Variants in PLCXD3 observed in about 807,000 individuals in gnomAD.
The protein encoded by PLCXD3 is phosphatidylinositol specific phospholipase C X domain containing 3.
In PLCXD3, 19 loss-of-function variants were observed where a neutral mutation model predicts 25.5. That is an observed-to-expected ratio of 0.75 (90% CI 0.52 to 1.09). The LOEUF is 1.09. PLCXD3 is among the 50% of genes least tolerant of loss of function. PLCXD3 has a pLI of 0.00. For missense variants in PLCXD3, 411 were observed against 388.1 expected (o/e 1.06, Z -0.50); for synonymous variants, 174 against 137.6 (o/e 1.26, Z -1.85).
chr5:41,404,120 A>G (rs1371543613), intron 1 of PLCXD3, among the ~76,000 whole-genome samples: 2 of 152,192 alleles, frequency 1.3e-5, no homozygotes, highest in Non-Finnish European at 2.9e-5. Flanking sequence ...AATGGAGTGC[A>G]CTGAAAGCAT....
At chr5:41,456,564 G>GAA (rs755289399) in intron 1 of PLCXD3, 16 of 946,016 alleles carry the variant, frequency 1.7e-5, no homozygotes, top group Non-Finnish European at 1.8e-5. Flanking sequence ...ATTAATGCTG[G>GAA]AAAGTAGATG....
intron 1 of PLCXD3, among the ~76,000 whole-genome samples, chr5:41,505,064 G>T (rs1218481989): frequency 1.3e-5 from 2 of 151,970 alleles, no homozygotes; most frequent in African/African-American, 4.8e-5. Context: ...TTTATAATTT[G>T]CTCTTTCTGT....
intron 1 of PLCXD3, among the ~76,000 whole-genome samples, chr5:41,432,572 T>G (rs318016): frequency 0.028 from 4,221 of 152,304 alleles, 223 homozygotes; most frequent in African/African-American, 0.097. Flanking sequence ...GTTAAAACTG[T>G]CTTTTCCAAA....
chr5:41,327,822 T>A (rs542651400), intron 2 of PLCXD3, among the ~76,000 whole-genome samples: 1 of 152,318 alleles, frequency 6.6e-6, no homozygotes, highest in Non-Finnish European at 1.5e-5. Flanking sequence ...TTTTCTTTTT[T>A]AGAGACAGTG....
intron 1 of PLCXD3, chr5:41,456,470 A>G (rs1747755658): frequency 7.1e-6 from 5 of 703,762 alleles, no homozygotes; most frequent in African/African-American, 2.0e-5. Context: ...AAAAATATTT[A>G]TAAGGATAAA....
chr5:41,369,490 GT>G (rs1580329803), intron 2 of PLCXD3, among the ~76,000 whole-genome samples: 1 of 152,062 alleles, frequency 6.6e-6, no homozygotes, highest in Non-Finnish European at 1.5e-5. Context: ...TTGGTTGGTT[GT>G]TTTTTCTTAG....
chr5:41,482,623 A>G (rs1347859105), intron 1 of PLCXD3, among the ~76,000 whole-genome samples: 1 of 152,194 alleles, frequency 6.6e-6, no homozygotes, highest in Non-Finnish European at 1.5e-5. Flanking sequence ...CTTATTGGCC[A>G]TGTAGCTGGA....
At chr5:41,314,603 T>C (rs745581494) in intron 2 of PLCXD3, among the ~76,000 whole-genome samples, 3 of 152,066 alleles carry the variant, frequency 2.0e-5, no homozygotes, top group Non-Finnish European at 2.9e-5. Flanking sequence ...TGTGCAAAGG[T>C]TTGAAGGAGA....
intron 2 of PLCXD3, among the ~76,000 whole-genome samples, chr5:41,344,803 A>G (rs1349994303): frequency 6.6e-6 from 1 of 152,182 alleles, no homozygotes; most frequent in Non-Finnish European, 1.5e-5. Context: ...TCATATAATT[A>G]AAAATTATAT....
intron 1 of PLCXD3, among the ~76,000 whole-genome samples, chr5:41,440,189 T>C (rs1747348715): frequency 6.8e-6 from 1 of 147,048 alleles, no homozygotes; most frequent in South Asian, 2.2e-4. Context: ...AGCTATACAG[T>C]TCTGAGCAAA....
At chr5:41,408,741 G>T (rs555227738) in intron 1 of PLCXD3, among the ~76,000 whole-genome samples, 3 of 152,166 alleles carry the variant, frequency 2.0e-5, no homozygotes, top group Admixed American at 6.5e-5. Flanking sequence ...ATACGGTGTC[G>T]CATAAGTAAG....
At chr5:41,423,278 A>C (rs1030714814) in intron 1 of PLCXD3, among the ~76,000 whole-genome samples, 1 of 152,114 alleles carries the variant, frequency 6.6e-6, no homozygotes, top group Non-Finnish European at 1.5e-5. Flanking sequence ...ACTTTGGTCT[A>C]AATGCTGTGT....
Position 41,382,471 on chromosome 5 carries a change from T to G in PLCXD3, c.167A>C (p.Glu56Ala). The change falls in exon 2 of 3, where the codon GAA becomes GCA. Residue 56 changes from glutamate (E) to alanine (A), a missense_variant. Glu to Ala is a moderately radical substitution (Grantham distance 107). Coordinates refer to ENST00000377801, the MANE Select transcript of PLCXD3 (RefSeq NM_001005473.3). ...CACAGAGACAAAATTCTGGACAGTTTCTGGCTGCTCAGGACCTACTGGAGA... is the reference window on the plus strand; with the variant it reads ...CACAGAGACAAAATTCTGGACAGTTGCTGGCTGCTCAGGACCTACTGGAGA... Reference protein sequence around the residue: ...EASPVGPEQPETVQNFVSVFG... With the variant: ...EASPVGPEQPATVQNFVSVFG... The G allele has an allele frequency of 1.2e-6, 2 of 1,611,764 alleles. No homozygotes were observed. The highest frequency in any genetic ancestry group is 1.7e-6 in the Non-Finnish European group (2 of 1,179,640).
intron 2 of PLCXD3, among the ~76,000 whole-genome samples, chr5:41,321,689 T>C (rs903851077): frequency 5.3e-5 from 8 of 151,980 alleles, no homozygotes; most frequent in Admixed American, 4.6e-4. Context: ...TGCAGAGAAA[T>C]ACTAACTAAC....
At chr5:41,457,213 G>A (rs1461546559) in intron 1 of PLCXD3, among the ~76,000 whole-genome samples, 1 of 151,890 alleles carries the variant, frequency 6.6e-6, no homozygotes, top group Non-Finnish European at 1.5e-5. Context: ...TCCACACTTG[G>A]CCTCATATCA....
intron 2 of PLCXD3, among the ~76,000 whole-genome samples, chr5:41,372,296 TCTCACACACACACACA>T (rs1460254003): frequency 0.011 from 1,462 of 132,706 alleles, 26 homozygotes; most frequent in African/African-American, 0.043. Context: ...TCTCTCTCTC[TCTCACACACACACACA>T]CACACACACA....
chr5:41,475,307 G>GT (rs1748256265), intron 1 of PLCXD3, among the ~76,000 whole-genome samples: 1 of 152,130 alleles, frequency 6.6e-6, no homozygotes, highest in Admixed American at 6.5e-5. Flanking sequence ...GTTGATTTTA[G>GT]TTTTTTCTGT....
intron 2 of PLCXD3, among the ~76,000 whole-genome samples, chr5:41,342,818 T>C (rs1405560591): frequency 6.6e-6 from 1 of 152,202 alleles, no homozygotes; most frequent in Non-Finnish European, 1.5e-5. Flanking sequence ...CATACTTAGC[T>C]ATTTTAATAA....
chr5:41,316,572 G>A (rs1014776060), intron 2 of PLCXD3, among the ~76,000 whole-genome samples: 1 of 152,192 alleles, frequency 6.6e-6, no homozygotes, highest in African/African-American at 2.4e-5. Flanking sequence ...CCCGATTCCA[G>A]GACTTCACTG....
Sources: gnomAD v4.1 joint callset for allele counts (sites outside exome capture counted in the v4.1 genomes callset) on GRCh38, gnomAD v4.1.1 for gene constraint, MANE v1.5 for transcripts, NCBI Gene and HGNC (gene_info 2026-07-23, HGNC 2026-07-21) for gene names.